Variants in RPA2 observed in about 807,000 individuals in gnomAD.
The protein encoded by RPA2 is replication protein A 32 kDa subunit.
RPA2 carries 22 observed loss-of-function variants against 33.4 expected under a neutral mutation model. That is an observed-to-expected ratio of 0.66 (90% CI 0.47 to 0.94). The LOEUF (loss-of-function observed/expected upper bound fraction) is 0.94, where lower values mean the gene tolerates loss of function less well. Among genes scored for constraint, RPA2 ranks in the 40% least tolerant of loss-of-function variants. The pLI is 0.00. For synonymous variants in RPA2, 109 were observed against 114.9 expected (o/e 0.95, Z 0.33); for missense variants, 279 against 329.9 (o/e 0.85, Z 1.19).
chr1:27,902,174 T>A (rs2089975910), intron 4 of RPA2, among the ~76,000 whole-genome samples: 2 of 151,918 alleles, frequency 1.3e-5, no homozygotes, highest in African/African-American at 4.8e-5. Flanking sequence ...GCAACCTCCA[T>A]CTCCCAGGCT....
rs142124527 is a variant in RPA2 at position 27,891,819 on chromosome 1, G to C, written c.*344C>G. 815 of 202,638 alleles carry C rather than the reference G, an allele frequency of 4.0e-3. 12 individuals are homozygous for C. The highest frequency in any genetic ancestry group is 0.017 in the African/African-American group (754 of 43,480). The allele number at this position is 202,638 out of a possible 1,614,324, so 12.6% of individuals were successfully genotyped here. Reference sequence around the variant, plus strand: ...CCCTGGTCCTGCTCATCTTTCAGCAGTAAACATTTTAAGAAGAGAAACTCC... The same window carrying C: ...CCCTGGTCCTGCTCATCTTTCAGCACTAAACATTTTAAGAAGAGAAACTCC... On this transcript the variant is annotated 3_prime_UTR_variant, in exon 9 of 9. Coordinates refer to ENST00000373912, the MANE Select transcript of RPA2 (RefSeq NM_002946.5).
intron 2 of RPA2, among the ~76,000 whole-genome samples, chr1:27,909,010 A>G (rs2090065462): frequency 6.6e-6 from 1 of 152,210 alleles, no homozygotes; most frequent in African/African-American, 2.4e-5. Flanking sequence ...AGAAAAGCTT[A>G]CTGGCAAAAG....
chr1:27,913,935 GATA>G (rs1038019847), intron 2 of RPA2, 125 bp downstream of exon 2: 4 of 933,438 alleles, frequency 4.3e-6, no homozygotes, highest in South Asian at 4.2e-5. Flanking sequence ...AAGAGATGCA[GATA>G]ATAATAGATC....
At chr1:27,896,954 G>T in intron 6 of RPA2, 51 bp downstream of exon 6, 1 of 1,349,864 alleles carries the variant, frequency 7.4e-7, no homozygotes, top group Non-Finnish European at 1.0e-6. Flanking sequence ...CACAAAAGTA[G>T]CCTGTGTTCT....
chr1:27,910,484 CAAAGT>C (rs1228882786), intron 2 of RPA2, among the ~76,000 whole-genome samples: 2 of 152,110 alleles, frequency 1.3e-5, no homozygotes, highest in East Asian at 3.8e-4. Context: ...AAGAGGTTCA[CAAAGT>C]GTCAATAAAA....
intron 6 of RPA2, among the ~76,000 whole-genome samples, chr1:27,896,032 T>C (rs7517140): frequency 0.014 from 2,111 of 152,048 alleles, 42 homozygotes; most frequent in African/African-American, 0.047. Context: ...TCCTGTTTTA[T>C]TTACTTCAGA....
chr1:27,907,276 G>T lies in RPA2; in HGVS notation c.124C>A (p.Arg42=), dbSNP rs755866319. ...PSQAEKKSRA[R]AQHIVPCTIS... ...GTACAGGGCACAATGTGCTGGGCTC[G>T]GGCTCTCTGAAAAGAAAAAACATGC... is the stretch of plus-strand genomic sequence containing the variant. Residue 42 remains arginine, a synonymous_variant, in exon 3 of 9, where the codon CGA becomes AGA. Transcript: ENST00000373912. 6.3e-7 allele frequency: 1 copy of T among 1,597,484 alleles called. No homozygotes were observed. Among genetic ancestry groups the T allele is most frequent in the South Asian group, 1.1e-5 (1 of 88,198 alleles).
Position 27,897,712 on chromosome 1 carries a change from C to A in RPA2, c.334-5G>T. 1.3e-6 allele frequency: 2 copies of A among 1,576,296 alleles called. No homozygotes were observed. The highest frequency in any genetic ancestry group is 1.8e-5 in the Admixed American group (1 of 55,724). On this transcript the variant is annotated splice_polypyrimidine_tract_variant and splice_region_variant and intron_variant, in intron 4 of 8. Coordinates refer to ENST00000373912, the MANE Select transcript of RPA2 (RefSeq NM_002946.5). ...AGTGTTTTCACTGCTGGTGTCCTAA[C>A]ATAAAATACAAACATGTCATTAAAG...
At chr1:27,906,787 A>G in intron 4 of RPA2, 141 bp downstream of exon 4, 1 of 605,162 alleles carries the variant, frequency 1.7e-6, no homozygotes, top group Non-Finnish European at 2.9e-6. Context: ...AGTCAAATCT[A>G]CTAACCTTTT....
intron 4 of RPA2, among the ~76,000 whole-genome samples, chr1:27,902,408 C>T (rs542423054): frequency 1.3e-5 from 2 of 151,794 alleles, no homozygotes; most frequent in East Asian, 1.9e-4. Flanking sequence ...CTCAGCCTCC[C>T]GAGTAGCTGG....
intron 7 of RPA2, 23 bp from the exon 8 acceptor site, chr1:27,894,129 T>A: frequency 6.2e-7 from 1 of 1,606,154 alleles, no homozygotes; most frequent in South Asian, 1.1e-5. Flanking sequence ...ATCAGAAAGA[T>A]TTTAGCAATT....
intron 4 of RPA2, among the ~76,000 whole-genome samples, chr1:27,899,513 GAAAAA>G (rs67126026): frequency 5.6e-5 from 6 of 107,556 alleles, no homozygotes; most frequent in Admixed American, 1.1e-4. Flanking sequence ...AAAAAAAAAA[GAAAAA>G]AAAAAAAAAA....
intron 4 of RPA2, among the ~76,000 whole-genome samples, chr1:27,902,576 C>T (rs2089981217): frequency 6.6e-6 from 1 of 151,992 alleles, no homozygotes; most frequent in Non-Finnish European, 1.5e-5. Context: ...TGAGCCACCG[C>T]ACCTAGTCAA....
intron 4 of RPA2, among the ~76,000 whole-genome samples, chr1:27,899,437 A>G (rs1344483475): frequency 1.4e-5 from 2 of 144,972 alleles, no homozygotes; most frequent in African/African-American, 5.0e-5. Context: ...CCCAGGAGGC[A>G]GAGGTTGCAG....
At chr1:27,909,066 G>A (rs879361966) in intron 2 of RPA2, among the ~76,000 whole-genome samples, 1 of 152,096 alleles carries the variant, frequency 6.6e-6, no homozygotes, top group Non-Finnish European at 1.5e-5. Context: ...TTTCAACAGC[G>A]AAAAAGTAGC....
intron 4 of RPA2, among the ~76,000 whole-genome samples, chr1:27,906,014 A>T (rs1299182312): frequency 6.6e-6 from 1 of 152,176 alleles, no homozygotes; most frequent in African/African-American, 2.4e-5. Context: ...TACTTATTCC[A>T]GGACCACTAT....
intron 4 of RPA2, among the ~76,000 whole-genome samples, chr1:27,904,723 G>A (rs558952706): frequency 5.3e-5 from 8 of 152,058 alleles, no homozygotes; most frequent in African/African-American, 1.9e-4. Context: ...GGAGTGCAGT[G>A]GCGCAATCTT....
intron 6 of RPA2, among the ~76,000 whole-genome samples, chr1:27,896,156 G>A (rs981892086): frequency 1.3e-5 from 2 of 152,050 alleles, no homozygotes; most frequent in Non-Finnish European, 2.9e-5. Flanking sequence ...TAGAATGATT[G>A]GGACTATCAA....
chr1:27,904,165 C>CAA (rs11334227), intron 4 of RPA2, among the ~76,000 whole-genome samples: 5 of 123,534 alleles, frequency 4.0e-5, no homozygotes, highest in East Asian at 4.7e-4. Flanking sequence ...AGCTCCATCT[C>CAA]AAAAAAAAAA....
Sources: gnomAD v4.1 joint callset for allele counts (sites outside exome capture counted in the v4.1 genomes callset) on GRCh38, gnomAD v4.1.1 for gene constraint, MANE v1.5 for transcripts, NCBI Gene and HGNC (gene_info 2026-07-23, HGNC 2026-07-21) for gene names.